Variants in IL4R observed in about 807,000 individuals in gnomAD.
IL4R encodes interleukin-4 receptor subunit alpha.
IL4R carries 17 observed loss-of-function variants against 41.5 expected under a neutral mutation model. The observed-to-expected ratio is 0.41, with a 90% CI of 0.28 to 0.61. The LOEUF (loss-of-function observed/expected upper bound fraction) is 0.61. IL4R is among the 20% of genes least tolerant of loss of function. IL4R has a pLI of 0.31. For missense variants in IL4R, 974 were observed against 1,043.1 expected (o/e 0.93, Z 0.91); for synonymous variants, 402 against 422.9 (o/e 0.95, Z 0.61).
chr16:27,326,918 C>G (rs940443629), intron 1 of IL4R, among the ~76,000 whole-genome samples: 1 of 152,132 alleles, frequency 6.6e-6, no homozygotes, highest in Non-Finnish European at 1.5e-5. Context: ...GGGCCACCGA[C>G]GTGGCTGCCA....
chr16:27,337,959 CTT>C (rs34463317), intron 2 of IL4R, among the ~76,000 whole-genome samples: 192 of 137,588 alleles, frequency 1.4e-3, no homozygotes, highest in African/African-American at 4.1e-3. Flanking sequence ...TTTTCTTTTC[CTT>C]TTTTTTTTTT....
intron 6 of IL4R, among the ~76,000 whole-genome samples, chr16:27,350,607 G>A (rs2085831104): frequency 6.6e-6 from 1 of 152,146 alleles, no homozygotes; most frequent in Admixed American, 6.5e-5. Context: ...GGATCTCGCA[G>A]GGAGAGGGGT....
chr16:27,330,262 C>T (rs1290009088), intron 2 of IL4R, 64 bp downstream of exon 2: 1 of 151,746 alleles, frequency 6.6e-6, no homozygotes, highest in East Asian at 1.9e-4. Flanking sequence ...GGTGGCTTGC[C>T]TGTAGTCCCA....
At chr16:27,354,782 G>A (rs552430811) in intron 7 of IL4R, among the ~76,000 whole-genome samples, 37 of 152,326 alleles carry the variant, frequency 2.4e-4, no homozygotes, top group South Asian at 8.3e-4. Flanking sequence ...CCCTGCCACC[G>A]CACAGCCCTC....
At chr16:27,324,412 T>C (rs1039513268) in intron 1 of IL4R, among the ~76,000 whole-genome samples, 6 of 152,168 alleles carry the variant, frequency 3.9e-5, no homozygotes, top group Non-Finnish European at 8.8e-5. Flanking sequence ...GGGGAATTCA[T>C]CCTGTCGTTC....
At chr16:27,361,466 A>G (rs1316501146) in intron 10 of IL4R, among the ~76,000 whole-genome samples, 1 of 151,972 alleles carries the variant, frequency 6.6e-6, no homozygotes, top group Non-Finnish European at 1.5e-5. Context: ...TAATACCAAA[A>G]AAAGTTTTTG....
chr16:27,355,867 A>C lies in IL4R; in HGVS notation c.730A>C (p.Ile244Leu). 1 of 1,613,590 alleles carries C rather than the reference A, an allele frequency of 6.2e-7. No individual in the cohort carries two copies. Among genetic ancestry groups the C allele is most frequent in the Non-Finnish European group, 8.5e-7 (1 of 1,179,912 alleles). ...LLGVSVSCIV[I>L]LAVCLLCYVS... ...GGGCGTCAGCGTTTCCTGCATTGTC[A>C]TCCTGGCCGTCTGCCTGTTGTGCTA... is the stretch of plus-strand genomic sequence containing the variant. The change falls in exon 8 of 11, where the codon ATC (isoleucine) becomes CTC (leucine). Residue 244 changes from isoleucine (I) to leucine (L), a missense_variant. Coordinates refer to ENST00000395762, the MANE Select transcript of IL4R (RefSeq NM_000418.4).
chr16:27,345,174 C>A lies in IL4R; in HGVS notation c.361+154C>A. ...AATCTGATGGGATTCCTGCCCCTGC[C>A]TGGGCCTCAGTCCTCCCACCTTTGA... On this transcript the variant is annotated intron_variant, in intron 5 of 10. Transcript: ENST00000395762. The surrounding 1 kb of genome is among the most constrained non-coding windows in gnomAD (Gnocchi z 4.5). 1.2e-6 allele frequency: 1 copy of A among 856,254 alleles called. No individual in the cohort carries two copies. Among genetic ancestry groups the A allele is most frequent in the Non-Finnish European group, 1.9e-6 (1 of 526,728 alleles). The allele number at this position is 856,254 out of a possible 1,614,324, so 53.0% of individuals were successfully genotyped here. A position where few individuals can be genotyped will look rare whatever the true frequency, so the allele number is the denominator to read the frequency against.
chr16:27,332,991 A>G (rs2085156470), intron 2 of IL4R, among the ~76,000 whole-genome samples: 1 of 152,026 alleles, frequency 6.6e-6, no homozygotes, highest in Non-Finnish European at 1.5e-5. Context: ...TCTTCCTGCT[A>G]GTGACTTCTA....
intron 4 of IL4R, 29 bp from the exon 5 acceptor site, chr16:27,344,840 C>G: frequency 1.9e-6 from 3 of 1,612,196 alleles, no homozygotes; most frequent in Non-Finnish European, 2.5e-6. Context: ...CTACAGGTGA[C>G]CAGCCTAACC....
At position 27,363,218 on chromosome 16, in the gene IL4R, TG is replaced by T; in HGVS notation, c.1870del (p.Ala624LeufsTer63). ...CTGTGTCCCCAGAGAAATGTGGGTT[TG>T]GGGCTAGCAGTGGGGAAGAGGGGTA... ...SAVSPEKCGF[G>X]ASSGEEGYKP... On this transcript the variant is annotated frameshift_variant, in exon 11 of 11. Coordinates refer to ENST00000395762, the MANE Select transcript of IL4R (RefSeq NM_000418.4). LOFTEE classifies it low-confidence loss of function (END_TRUNC). The T allele has an allele frequency of 6.2e-7, 1 of 1,608,540 alleles. No homozygotes were observed. Among genetic ancestry groups the T allele is most frequent in the Non-Finnish European group, 8.5e-7 (1 of 1,176,776 alleles).
rs1056181369 is a variant in IL4R at position 27,345,591 on chromosome 16, G to A, written c.361+571G>A. 1.5e-4 allele frequency: 27 copies of A among 185,142 alleles called. No individual in the cohort carries two copies. Among genetic ancestry groups the A allele is most frequent in the South Asian group, 1.1e-3 (10 of 9,262 alleles). The allele number at this position is 185,142 out of a possible 1,614,324, so 11.5% of individuals were successfully genotyped here. ...TCAAAGGAGACCAAGTTTTAAAACA[G>A]ATGAATCAAAATAAAGAAAAATACT... On this transcript the variant is annotated intron_variant, in intron 5 of 10. Transcript: ENST00000395762. The surrounding 1 kb of genome is among the most constrained non-coding windows in gnomAD (Gnocchi z 4.5).
At chr16:27,346,791 T>G (rs2085662144) in intron 6 of IL4R, among the ~76,000 whole-genome samples, 173 bp downstream of exon 6, 1 of 152,092 alleles carries the variant, frequency 6.6e-6, no homozygotes, top group African/African-American at 2.4e-5. Context: ...GGCAAGTCCC[T>G]TTGCTTCCTG....
chr16:27,321,088 C>T (rs950106868), intron 1 of IL4R, among the ~76,000 whole-genome samples: 1 of 152,042 alleles, frequency 6.6e-6, no homozygotes, highest in African/African-American at 2.4e-5. Context: ...GGATTTCAGG[C>T]ACACACCACC....
chr16:27,352,612 T>G lies in IL4R; in HGVS notation c.586T>G (p.Ser196Ala). 6.2e-7 allele frequency: 1 copy of G among 1,614,178 alleles called. No individual in the cohort carries two copies. Among genetic ancestry groups the G allele is most frequent in the Non-Finnish European group, 8.5e-7 (1 of 1,179,990 alleles). Residue 196 changes from serine (S) to alanine (A), a missense_variant, in exon 7 of 11, where the codon TCC becomes GCC. This residue lies in a region of IL4R where 284 missense variants were observed against 313.4 expected (regional missense o/e 0.91). Coordinates refer to ENST00000395762, the MANE Select transcript of IL4R (RefSeq NM_000418.4). ...IAASTLKSGISYRARVRAWAQ... is the reference protein window; with the variant it reads ...IAASTLKSGIAYRARVRAWAQ... ...AGCCAGCACCCTGAAGTCTGGGATT[T>G]CCTACAGGGCACGGGTGAGGGCCTG...
intron 1 of IL4R, among the ~76,000 whole-genome samples, chr16:27,315,989 A>G (rs554460523): frequency 6.6e-6 from 1 of 152,268 alleles, no homozygotes; most frequent in South Asian, 2.1e-4. Flanking sequence ...ATACAATACA[A>G]TCCCGGTTGC....
Position 27,362,415 on chromosome 16 carries a change from A to C in IL4R, c.1063A>C (p.Ser355Arg). 6.2e-7 allele frequency: 1 copy of C among 1,614,018 alleles called. No homozygotes were observed. The highest frequency in any genetic ancestry group is 2.2e-5 in the East Asian group (1 of 44,858). ...CAGCAAGACAGTCCTCTGGCCAGAG[A>C]GCATCAGCGTGGTGCGATGTGTGGA... The part of the protein sequence containing the change: ...EISKTVLWPE[S>R]ISVVRCVELF... The change falls in exon 11 of 11, where the codon AGC becomes CGC. Residue 355 changes from serine to arginine, a missense_variant. Ser to Arg is a moderately radical substitution (Grantham distance 110). Coordinates refer to ENST00000395762, the MANE Select transcript of IL4R (RefSeq NM_000418.4).
At chr16:27,321,999 G>A (rs2084825237) in intron 1 of IL4R, among the ~76,000 whole-genome samples, 1 of 151,596 alleles carries the variant, frequency 6.6e-6, no homozygotes, top group South Asian at 2.1e-4. Context: ...TTCCTCTTGT[G>A]TTTGAAAAGA....
chr16:27,319,011 G>A (rs2084731711), intron 1 of IL4R, among the ~76,000 whole-genome samples: 2 of 152,242 alleles, frequency 1.3e-5, no homozygotes, highest in South Asian at 4.1e-4. Flanking sequence ...GGCCCTCATG[G>A]AGCTGAAAGC....
Sources: allele counts gnomAD v4.1 joint callset (sites outside exome capture counted in the v4.1 genomes callset), GRCh38; gene constraint gnomAD v4.1.1; regional missense constraint gnomAD v4.1.1; non-coding constraint Gnocchi (gnomAD v3.1); transcripts MANE v1.5; gene names NCBI Gene and HGNC (gene_info 2026-07-23, HGNC 2026-07-21).